The following CPPED1 variants were observed in gnomAD, a reference collection of about 807,000 sequenced individuals.
The protein encoded by CPPED1 is calcineurin like phosphoesterase domain containing 1, also known as serine/threonine-protein phosphatase CPPED1.
CPPED1 carries 28 observed loss-of-function variants against 28.0 expected under a neutral mutation model. That is an observed-to-expected ratio of 1.00 (90% CI 0.74 to 1.37). CPPED1 has a LOEUF of 1.37. CPPED1 is among the 40% of genes most tolerant of loss of function. The probability of loss-of-function intolerance (pLI) is 0.00; values close to 1 mark genes in which losing one functional copy is unlikely to be tolerated. For missense variants in CPPED1, 504 were observed against 416.5 expected (o/e 1.21, Z -1.83); for synonymous variants, 198 against 180.2 (o/e 1.10, Z -0.79).
intron 3 of CPPED1, among the ~76,000 whole-genome samples, chr16:12,697,328 G>A (rs1056542142): frequency 3.3e-5 from 5 of 152,134 alleles, no homozygotes; most frequent in African/African-American, 4.8e-5. Context: ...ATGTGAAGCT[G>A]ATCACCCAAT....
At chr16:12,759,186 A>C (rs944873670) in intron 2 of CPPED1, 14 of 148,514 alleles carry the variant, frequency 9.4e-5, no homozygotes, top group Admixed American at 7.4e-4. Flanking sequence ...AAAAAAAAAA[A>C]GACAAAAAAA....
rs71142517 is a variant in CPPED1, at chr16:12,734,058, GTTTTTTTTTTTTTTTT to G, written c.290-29025_290-29010del. Among the ~76,000 whole-genome samples, 95 of 64,420 alleles carry G rather than the reference GTTTTTTTTTTTTTTTT, an allele frequency of 1.5e-3. 1 individual carries two copies. The East Asian group carries it at 0.031, about 21-fold the overall frequency. 42.3% of individuals were successfully genotyped at this position (64,420 alleles called of 152,430 possible). A position where few individuals can be genotyped will look rare whatever the true frequency, so the allele number is the denominator to read the frequency against. ...CTTTGTCTCTGTTTTCAAATTACAC[GTTTTTTTTTTTTTTTT>G]TTTTTTTTTTTTTTGAGACGAGTCA... On this transcript the variant is annotated intron_variant, in intron 2 of 3. Transcript: ENST00000381774.
intron 2 of CPPED1, among the ~76,000 whole-genome samples, chr16:12,737,420 G>C (rs974420056): frequency 6.6e-6 from 1 of 152,120 alleles, no homozygotes; most frequent in Non-Finnish European, 1.5e-5. Context: ...CCCCTTACAG[G>C]TGGGGCCCAG....
chr16:12,764,206 T>A (rs897859675), intron 2 of CPPED1, among the ~76,000 whole-genome samples: 1 of 149,854 alleles, frequency 6.7e-6, no homozygotes, highest in African/African-American at 2.5e-5. Flanking sequence ...GATTTTAATT[T>A]TTTTTTTTTT....
rs1354543349 is a variant in CPPED1, at chr16:12,709,498, G to A, written c.290-4449C>T. Among the ~76,000 whole-genome samples, 2 of 152,136 alleles carry A rather than the reference G, an allele frequency of 1.3e-5. No homozygotes were observed. The highest frequency in any genetic ancestry group is 1.9e-4 in the East Asian group (1 of 5,194). ...ACTTAAAAAAATTTTAATGCAATTG[G>A]TCAAAATAAAACTAGGAGGTAAAAA... On this transcript the variant is annotated intron_variant, in intron 2 of 3. Transcript: ENST00000381774. This position sits in a 1 kb window ranked among gnomAD's most constrained non-coding sequence, Gnocchi z 4.4.
intron 1 of CPPED1, among the ~76,000 whole-genome samples, chr16:12,794,887 C>T (rs1434238840): frequency 6.6e-6 from 1 of 152,218 alleles, no homozygotes; most frequent in African/African-American, 2.4e-5. Flanking sequence ...TTATCTGCAA[C>T]TCTTCAGAGA....
chr16:12,671,447 A>G (rs80226006), intron 3 of CPPED1, among the ~76,000 whole-genome samples: 1 of 152,090 alleles, frequency 6.6e-6, no homozygotes, highest in Non-Finnish European at 1.5e-5. Context: ...AGAAAAAAAA[A>G]GGGCATGAAG....
At chr16:12,687,502 C>T (rs1355242073) in intron 3 of CPPED1, among the ~76,000 whole-genome samples, 1 of 152,070 alleles carries the variant, frequency 6.6e-6, no homozygotes, top group Non-Finnish European at 1.5e-5. Flanking sequence ...ATTCCTAGGC[C>T]AGGCACACCT....
chr16:12,667,858 G>C (rs1262121695), intron 3 of CPPED1, among the ~76,000 whole-genome samples: 1 of 152,156 alleles, frequency 6.6e-6, no homozygotes, highest in Non-Finnish European at 1.5e-5. Context: ...TTTCCAGAAA[G>C]AAGGAAGACA....
intron 2 of CPPED1, among the ~76,000 whole-genome samples, chr16:12,736,870 G>C (rs2080229368): frequency 2.0e-5 from 3 of 152,114 alleles, no homozygotes; most frequent in Admixed American, 2.0e-4. Flanking sequence ...AAGGCAGTGG[G>C]GAGGGGAAGA....
intron 1 of CPPED1, among the ~76,000 whole-genome samples, chr16:12,788,703 T>G (rs1311634445): frequency 1.3e-5 from 2 of 152,156 alleles, no homozygotes; most frequent in Non-Finnish European, 2.9e-5. Context: ...CCTGGAGTGG[T>G]GAGAGCCATG....
At chr16:12,737,837 C>T (rs1050298307) in intron 2 of CPPED1, among the ~76,000 whole-genome samples, 5 of 152,170 alleles carry the variant, frequency 3.3e-5, no homozygotes, top group African/African-American at 7.2e-5. Context: ...GCAATTTTCT[C>T]TCTCTCTTCT....
intron 3 of CPPED1, among the ~76,000 whole-genome samples, chr16:12,702,531 CTCAATCAA>C (rs372602706): frequency 1.0e-3 from 156 of 149,172 alleles, no homozygotes; most frequent in Middle Eastern, 3.6e-3. Flanking sequence ...AAGCAAGACT[CTCAATCAA>C]TCAATCAATC....
chr16:12,740,260 A>T (rs1295331610), intron 2 of CPPED1, among the ~76,000 whole-genome samples: 1 of 152,004 alleles, frequency 6.6e-6, no homozygotes, highest in Non-Finnish European at 1.5e-5. Flanking sequence ...AGCCTGGCCA[A>T]CATGGTGAAA....
intron 2 of CPPED1, among the ~76,000 whole-genome samples, chr16:12,733,439 T>G (rs2080209987): frequency 1.3e-5 from 2 of 152,082 alleles, no homozygotes; most frequent in South Asian, 4.1e-4. Flanking sequence ...CACATTCGGC[T>G]AATTTTTGTA....
chr16:12,741,788 C>T (rs895064419), intron 2 of CPPED1, among the ~76,000 whole-genome samples: 3 of 152,288 alleles, frequency 2.0e-5, no homozygotes, highest in Middle Eastern at 3.4e-3. Context: ...TGGTGGTTCA[C>T]GCCCGTAATC....
chr16:12,685,842 G>C (rs1004714724), intron 3 of CPPED1, among the ~76,000 whole-genome samples: 1 of 152,246 alleles, frequency 6.6e-6, no homozygotes. Context: ...AACCACGGGG[G>C]TGTCTGAGAA....
At chr16:12,763,429 C>T (rs73506395) in intron 2 of CPPED1, among the ~76,000 whole-genome samples, 2,776 of 152,104 alleles carry the variant, frequency 0.018, 70 homozygotes, top group African/African-American at 0.05. Context: ...AGCAAATACA[C>T]AAAAGACCAA....
chr16:12,768,450 C>A (rs949281939), intron 2 of CPPED1, among the ~76,000 whole-genome samples: 4 of 152,150 alleles, frequency 2.6e-5, no homozygotes. Context: ...AATCAAATAT[C>A]CACACTTTTC....
Sources: allele counts gnomAD v4.1 joint callset (sites outside exome capture counted in the v4.1 genomes callset), GRCh38; gene constraint gnomAD v4.1.1; non-coding constraint Gnocchi (gnomAD v3.1); transcripts MANE v1.5; gene names NCBI Gene and HGNC (gene_info 2026-07-23, HGNC 2026-07-21).